The following PKHD1 variants were observed in gnomAD, a reference collection of about 807,000 sequenced individuals.
PKHD1 encodes fibrocystin.
PKHD1 carries 291 observed loss-of-function variants against 412.0 expected under a neutral mutation model. The ratio of observed to expected loss-of-function variants is 0.71; its 90% confidence interval spans 0.64 to 0.78. PKHD1 has a LOEUF of 0.78. Among genes scored for constraint, PKHD1 ranks in the 30% least tolerant of loss-of-function variants. The probability of loss-of-function intolerance (pLI) is 0.00; values close to 1 mark genes in which losing one functional copy is unlikely to be tolerated. For synonymous variants in PKHD1, 1,777 were observed against 1,821.5 expected (o/e 0.98, Z 0.62); for missense variants, 4,825 against 4,950.7 (o/e 0.97, Z 0.76).
chr6:51,718,759 T>C (rs1195754206), intron 60 of PKHD1, among the ~76,000 whole-genome samples: 7 of 152,152 alleles, frequency 4.6e-5, no homozygotes. Context: ...TATAATCAAA[T>C]AAAAAAGCAT....
chr6:51,784,797 A>C (rs1295238215), intron 53 of PKHD1, among the ~76,000 whole-genome samples: 3 of 152,108 alleles, frequency 2.0e-5, no homozygotes, highest in Non-Finnish European at 4.4e-5. Context: ...GGACCTTTGC[A>C]CTAGCTCTCC....
At chr6:51,874,922 G>C (rs571043689) in intron 46 of PKHD1, among the ~76,000 whole-genome samples, 2 of 82,326 alleles carry the variant, frequency 2.4e-5, no homozygotes, top group Non-Finnish European at 2.2e-5. Flanking sequence ...TGCGCGAGCC[G>C]AAGCAGGGCG....
intron 25 of PKHD1, among the ~76,000 whole-genome samples, chr6:52,044,570 A>G (rs574160165): frequency 9.9e-5 from 15 of 152,146 alleles, no homozygotes; most frequent in Non-Finnish European, 1.6e-4. Flanking sequence ...AACTTTATCA[A>G]ATTGAAAGTA....
intron 60 of PKHD1, among the ~76,000 whole-genome samples, chr6:51,716,164 TATA>T (rs1260762910): frequency 1.3e-5 from 2 of 152,238 alleles, no homozygotes; most frequent in African/African-American, 2.4e-5. Context: ...AGTATTTTTG[TATA>T]ATAAGGCCAA....
At chr6:51,921,801 T>C (rs972380486) in intron 37 of PKHD1, among the ~76,000 whole-genome samples, 10 of 152,224 alleles carry the variant, frequency 6.6e-5, no homozygotes, top group African/African-American at 2.4e-4. Context: ...GTCTTCTCTA[T>C]GCTGTTTATT....
chr6:52,073,510 G>A lies in PKHD1; in HGVS notation c.480C>T (p.Ile160=). ...GKLIHVYGWI[I]TGRLETFDFD... Reference sequence around the variant, plus strand: ...AATCAAAAGTTTCCAATCTTCCAGTGATAATCCAGCCATATACATGTATTA... The same window carrying A: ...AATCAAAAGTTTCCAATCTTCCAGTAATAATCCAGCCATATACATGTATTA... Residue 160 remains isoleucine, a synonymous_variant, in exon 7 of 67, where the codon ATC becomes ATT. Transcript: ENST00000371117. 6.2e-7 allele frequency: 1 copy of A among 1,606,506 alleles called. No homozygotes were observed.
intron 28 of PKHD1, among the ~76,000 whole-genome samples, chr6:52,034,154 A>G (rs1803540467): frequency 6.9e-6 from 1 of 144,990 alleles, no homozygotes; most frequent in Admixed American, 7.3e-5. Flanking sequence ...AGACATGTTT[A>G]GAAAATAAAA....
At chr6:51,763,733 T>C (rs1475494745) in intron 55 of PKHD1, among the ~76,000 whole-genome samples, 1 of 152,074 alleles carries the variant, frequency 6.6e-6, no homozygotes, top group African/African-American at 2.4e-5. Flanking sequence ...CCTTTAAATC[T>C]GCCCACTTCT....
At chr6:51,692,885 CT>C (rs1391326508) in intron 60 of PKHD1, among the ~76,000 whole-genome samples, 5 of 152,020 alleles carry the variant, frequency 3.3e-5, no homozygotes, top group Non-Finnish European at 5.9e-5. Context: ...TATTAGAGGC[CT>C]TTATTTTCTG....
intron 50 of PKHD1, among the ~76,000 whole-genome samples, chr6:51,837,584 T>C (rs978034952): frequency 2.6e-5 from 4 of 151,994 alleles, no homozygotes; most frequent in Non-Finnish European, 5.9e-5. Context: ...TGCACTCCTA[T>C]AATCCCAGCT....
chr6:52,039,844 G>C (rs1804555782), intron 27 of PKHD1, among the ~76,000 whole-genome samples: 1 of 151,994 alleles, frequency 6.6e-6, no homozygotes, highest in Non-Finnish European at 1.5e-5. Flanking sequence ...TCAAAAAGTG[G>C]AAACAATCCA....
chr6:51,707,380 G>A (rs999236507), intron 60 of PKHD1, among the ~76,000 whole-genome samples: 2 of 152,132 alleles, frequency 1.3e-5, no homozygotes, highest in Non-Finnish European at 2.9e-5. Flanking sequence ...CATACCAGGT[G>A]AACAGAGTAC....
chr6:51,671,618 G>A (rs1051341433), intron 60 of PKHD1, among the ~76,000 whole-genome samples: 2 of 152,120 alleles, frequency 1.3e-5, no homozygotes, highest in South Asian at 2.1e-4. Context: ...GAGGAGGAGA[G>A]GCGCTCTGCT....
chr6:51,779,297 C>T (rs764425693), intron 53 of PKHD1, among the ~76,000 whole-genome samples: 2 of 152,248 alleles, frequency 1.3e-5, no homozygotes, highest in East Asian at 1.9e-4. Context: ...CCTCTGCCCC[C>T]CTCTGCCTTC....
rs752361934 is a variant in PKHD1, at chr6:51,848,327, C to CT, written c.7912-358dup. Among the ~76,000 whole-genome samples the CT allele has an allele frequency of 1.3e-3, 200 of 152,294 alleles. 1 individual carries two copies. Among genetic ancestry groups the CT allele is most frequent in the African/African-American group, 4.6e-3 (190 of 41,562 alleles). Reference sequence around the variant, plus strand: ...AGAGACAAGGCCAGGTCTAGAATTCCTTTCCAGCTTTTCCCACGACTTGAA... The same window carrying CT: ...AGAGACAAGGCCAGGTCTAGAATTCCTTTTCCAGCTTTTCCCACGACTTGAA... On this transcript the variant is annotated intron_variant, in intron 49 of 66. Coordinates refer to ENST00000371117, the MANE Select transcript of PKHD1 (RefSeq NM_138694.4).
rs747167652 is a variant in PKHD1 at position 51,748,616 on chromosome 6, C to G, written c.9000G>C (p.Leu3000Phe). Residue 3000 changes from leucine to phenylalanine, a missense_variant, in exon 58 of 67, where the codon TTG (leucine) becomes TTC (phenylalanine). Physicochemically the swap from Leu to Phe is conservative, Grantham distance 22 (BLOSUM62 0). Transcript: ENST00000371117. The stretch of plus-strand genomic sequence containing the variant: ...CATTACTGAATTCAACAGATGAGTA[C>G]AATGGTGACCCGAAGTTCTGAATTT... ...NVEIQNFGSP[L>F]YSSVEFSNVS... The G allele has an allele frequency of 1.2e-6, 2 of 1,613,724 alleles. No homozygotes were observed. The highest frequency in any genetic ancestry group is 2.2e-5 in the South Asian group (2 of 91,064).
intron 64 of PKHD1, among the ~76,000 whole-genome samples, chr6:51,633,441 G>A (rs977255652): frequency 3.3e-5 from 5 of 152,064 alleles, no homozygotes; most frequent in Admixed American, 3.3e-4. Context: ...TCTGTACATT[G>A]CAAAACCCAG....
At chr6:51,907,326 A>G (rs1276048635) in intron 40 of PKHD1, among the ~76,000 whole-genome samples, 2 of 152,106 alleles carry the variant, frequency 1.3e-5, no homozygotes, top group Non-Finnish European at 2.9e-5. Flanking sequence ...TAACATCACT[A>G]TCAACACTGG....
chr6:51,734,851 G>T (rs371493090), intron 60 of PKHD1, among the ~76,000 whole-genome samples: 1 of 152,132 alleles, frequency 6.6e-6, no homozygotes, highest in Non-Finnish European at 1.5e-5. Flanking sequence ...ATCGACACAC[G>T]ATTTAAAGTG....
Sources: gnomAD v4.1 joint callset for allele counts (sites outside exome capture counted in the v4.1 genomes callset) on GRCh38, gnomAD v4.1.1 for gene constraint, MANE v1.5 for transcripts, NCBI Gene and HGNC (gene_info 2026-07-23, HGNC 2026-07-21) for gene names.